ZNF429: variants seen among roughly 807,000 people sequenced by gnomAD.
ZNF429 encodes the protein zinc finger protein 429.
Under a neutral mutation model 56.8 loss-of-function variants are expected in ZNF429, and 53 were observed. The ratio of observed to expected loss-of-function variants is 0.93; its 90% CI spans 0.75 to 1.17. ZNF429 has a LOEUF of 1.17. Ranked by LOEUF, ZNF429 falls within the 50% of genes most tolerant of loss-of-function variation. The probability of loss-of-function intolerance (pLI) is 0.00; values close to 1 mark genes in which losing one functional copy is unlikely to be tolerated. For synonymous variants in ZNF429, 278 were observed against 264.7 expected, an observed-to-expected ratio of 1.05 and a Z score of -0.49; for missense variants, 849 against 788.4, an observed-to-expected ratio of 1.08 and a Z score of -0.92.
intron 1 of ZNF429, among the ~76,000 whole-genome samples, chr19:21,511,885 G>T (rs2032495967): frequency 6.6e-6 from 1 of 152,122 alleles, no homozygotes; most frequent in African/African-American, 2.4e-5. Flanking sequence ...GACCAGCCCG[G>T]CCAACACAGC....
chr19:21,523,341 G>A (rs536895696), intron 1 of ZNF429, among the ~76,000 whole-genome samples: 15 of 152,070 alleles, frequency 9.9e-5, no homozygotes, highest in East Asian at 1.9e-4. Context: ...AAGTTATTGC[G>A]GTTTTACCAT....
In ZNF429 at chr19:21,505,900, C is replaced by T. The variant is rs114073165; in HGVS notation, c.3+126C>T. On this transcript the variant is annotated intron_variant, in intron 1 of 3. Transcript: ENST00000358491. ...CAATCTGCGCCCGGAATTCTCCTTGCCCAGCTCGGCTTCAGTCCCCTTCAG... is the reference window on the plus strand; with the variant it reads ...CAATCTGCGCCCGGAATTCTCCTTGTCCAGCTCGGCTTCAGTCCCCTTCAG... 4.5e-4 allele frequency: 487 copies of T among 1,072,326 alleles called. 3 individuals carry two copies. In the African/African-American group the frequency reaches 7.3e-3, roughly 16 times the overall value. 66.4% of individuals were successfully genotyped at this position (1,072,326 alleles called of 1,614,324 possible). A position where few individuals can be genotyped will look rare whatever the true frequency, so the allele number is the denominator to read the frequency against.
chr19:21,536,346 T>G lies in ZNF429; in HGVS notation c.293T>G (p.Val98Gly), dbSNP rs751864922. 69 of 1,611,398 alleles carry G rather than the reference T, an allele frequency of 4.3e-5. No individual in the cohort carries two copies. The highest frequency in any genetic ancestry group is 5.9e-5 in the Non-Finnish European group (69 of 1,179,238). Residue 98 changes from valine (V) to glycine (G), a missense_variant, in exon 4 of 4, where the codon GTG becomes GGG. Physicochemically the swap from Val to Gly is moderately radical, Grantham distance 109. Transcript: ENST00000358491. ...EQDIKDSFQK[V>G]TLRRYDKRGH... is the part of the protein sequence containing the mutation. ...GACATAAAAGATTCTTTCCAAAAAG[T>G]GACACTGAGGAGATATGATAAACGT...
At chr19:21,534,328 T>C in intron 3 of ZNF429, among the ~76,000 whole-genome samples, 1 of 142,236 alleles carries the variant, frequency 7.0e-6, no homozygotes, top group Non-Finnish European at 1.6e-5. Flanking sequence ...AGTTCCTAGT[T>C]TTATTTAGTT....
At chr19:21,514,237 T>C (rs2032634031) in intron 1 of ZNF429, among the ~76,000 whole-genome samples, 2 of 152,174 alleles carry the variant, frequency 1.3e-5, no homozygotes, top group Admixed American at 1.3e-4. Context: ...AGGTTTATCA[T>C]ATAGATAAAA....
At chr19:21,535,021 G>T in intron 3 of ZNF429, among the ~76,000 whole-genome samples, 1 of 146,390 alleles carries the variant, frequency 6.8e-6, no homozygotes, top group Non-Finnish European at 1.5e-5. Flanking sequence ...TAGAGATGGG[G>T]TTTCACCGTT....
rs188947955 is a variant in ZNF429, at chr19:21,510,573, T to C, written c.3+4799T>C. Among the ~76,000 whole-genome samples the C allele has an allele frequency of 3.4e-3, 515 of 151,658 alleles. 2 individuals are homozygous for C. The highest frequency in any genetic ancestry group is 0.012 in the African/African-American group (502 of 40,966). Reference sequence around the variant, plus strand: ...TGGTTGACCACTTTATGGTAATTTCTTTTTTTTAATTTTTTAATTTTTTTT... The same window carrying C: ...TGGTTGACCACTTTATGGTAATTTCCTTTTTTTAATTTTTTAATTTTTTTT... On this transcript the variant is annotated intron_variant, in intron 1 of 3. Coordinates refer to ENST00000358491, the MANE Select transcript of ZNF429 (RefSeq NM_001001415.4).
chr19:21,519,014 T>C (rs2032888550), intron 1 of ZNF429: 2 of 151,638 alleles, frequency 1.3e-5, no homozygotes, highest in African/African-American at 4.9e-5. Context: ...ATATACTATG[T>C]TGGTTTCAGA....
intron 1 of ZNF429, among the ~76,000 whole-genome samples, chr19:21,519,536 G>T (rs995242731): frequency 2.0e-5 from 3 of 152,176 alleles, no homozygotes; most frequent in African/African-American, 7.2e-5. Context: ...ATGATTAACT[G>T]CTTTTGTTCT....
intron 1 of ZNF429, among the ~76,000 whole-genome samples, chr19:21,512,340 C>T (rs1168056983): frequency 3.3e-5 from 5 of 151,952 alleles, no homozygotes; most frequent in Admixed American, 2.0e-4. Context: ...TCTTTATGAC[C>T]TGTATCTTGT....
chr19:21,515,982 A>G (rs372276738), intron 1 of ZNF429, among the ~76,000 whole-genome samples: 3 of 151,980 alleles, frequency 2.0e-5, no homozygotes, highest in Non-Finnish European at 2.9e-5. Flanking sequence ...TTTGGTTTCT[A>G]TCACCCTGCA....
chr19:21,532,210 C>G, intron 3 of ZNF429, among the ~76,000 whole-genome samples: 1 of 150,886 alleles, frequency 6.6e-6, no homozygotes. Flanking sequence ...TCAAAGTGAT[C>G]TATAGATTCA....
chr19:21,510,124 G>C (rs1197029736), intron 1 of ZNF429, among the ~76,000 whole-genome samples: 1 of 152,100 alleles, frequency 6.6e-6, no homozygotes, highest in African/African-American at 2.4e-5. Context: ...GGCCAGGCTG[G>C]TCTCGAAGTC....
chr19:21,537,547 T>C lies in ZNF429; in HGVS notation c.1494T>C (p.Ser498=), dbSNP rs1255763663. 1.9e-6 allele frequency: 3 copies of C among 1,597,534 alleles called. No individual in the cohort carries two copies. In the African/African-American group the frequency reaches 4.3e-5, roughly 23 times the overall value. ...TTAAGCAGTCCTCAAACCTTAACAG[T>C]CATAAAAAAATTCATAGTGGAGAGA... is the stretch of plus-strand genomic sequence containing the variant. ...KAFKQSSNLN[S]HKKIHSGEKP... The change falls in exon 4 of 4, where the codon AGT becomes AGC. Residue 498 remains serine, a synonymous_variant. Coordinates refer to ENST00000358491, the MANE Select transcript of ZNF429 (RefSeq NM_001001415.4).
intron 1 of ZNF429, among the ~76,000 whole-genome samples, chr19:21,506,731 A>G (rs2145405693): frequency 6.8e-6 from 1 of 147,902 alleles, no homozygotes; most frequent in Non-Finnish European, 1.5e-5. Context: ...CCAGTGTAGT[A>G]ATTTACAAAA....
intron 3 of ZNF429, among the ~76,000 whole-genome samples, chr19:21,535,300 T>C: frequency 1.4e-4 from 17 of 117,950 alleles, no homozygotes; most frequent in African/African-American, 6.0e-4. Context: ...TCTTTCCTTC[T>C]TTCTTTCTTT....
chr19:21,526,325 C>G (rs2033171589), intron 1 of ZNF429, among the ~76,000 whole-genome samples: 1 of 152,040 alleles, frequency 6.6e-6, no homozygotes, highest in Admixed American at 6.6e-5. Context: ...TATCCCTTGC[C>G]CTGCTCCCAC....
At chr19:21,519,109 G>T (rs1363376942) in intron 1 of ZNF429, 1 of 152,150 alleles carries the variant, frequency 6.6e-6, no homozygotes, top group African/African-American at 2.4e-5. Flanking sequence ...CTGCCTCAAG[G>T]TGGGAAATTA....
chr19:21,535,875 A>G, intron 3 of ZNF429, among the ~76,000 whole-genome samples: 1 of 152,134 alleles, frequency 6.6e-6, no homozygotes, highest in East Asian at 1.9e-4. Flanking sequence ...GCATCTGGTA[A>G]TATCCTAGAA....
Sources: gnomAD v4.1 joint callset for allele counts (sites outside exome capture counted in the v4.1 genomes callset) on GRCh38, gnomAD v4.1.1 for gene constraint, MANE v1.5 for transcripts, NCBI Gene and HGNC (gene_info 2026-07-23, HGNC 2026-07-21) for gene names.